SLC35A5: variants seen among roughly 807,000 people sequenced by gnomAD.
SLC35A5 encodes the protein UDP-sugar transporter protein SLC35A5.
Under a neutral mutation model 36.3 loss-of-function variants are expected in SLC35A5, and 28 were observed. The ratio of observed to expected loss-of-function variants is 0.77; its 90% confidence interval spans 0.57 to 1.06. The LOEUF (loss-of-function observed/expected upper bound fraction) is 1.06. Among genes scored for constraint, SLC35A5 ranks in the 50% least tolerant of loss-of-function variants. The pLI is 0.00. For synonymous variants in SLC35A5, 180 were observed against 173.7 expected (o/e 1.04, Z -0.29); for missense variants, 521 against 499.3 (o/e 1.04, Z -0.41).
In SLC35A5 at chr3:112,585,460, G is replaced by A. The variant is rs1382441896; in HGVS notation, c.*2724G>A. The A allele has an allele frequency of 6.6e-6, 1 of 152,122 alleles. No homozygotes were observed. Among genetic ancestry groups the A allele is most frequent in the Non-Finnish European group, 1.5e-5 (1 of 68,032 alleles). 9.4% of individuals were successfully genotyped at this position (152,122 alleles called of 1,614,324 possible). ...GTATTGGGTACAATGTTCACTGTTTGAGTGATGGGTCCACTAGAAGCCCAA... is the reference window on the plus strand; with the variant it reads ...GTATTGGGTACAATGTTCACTGTTTAAGTGATGGGTCCACTAGAAGCCCAA... On this transcript the variant is annotated 3_prime_UTR_variant, in exon 7 of 7. Transcript: ENST00000492406.
chr3:112,569,272 A>G lies in SLC35A5; in HGVS notation c.229+3A>G. 1 of 1,612,168 alleles carries G rather than the reference A, an allele frequency of 6.2e-7. No individual in the cohort carries two copies. The highest frequency in any genetic ancestry group is 1.1e-5 in the South Asian group (1 of 90,828). ...GTCATTCTGTGTTATAAAGAAAGGTAAGTCTTGAAATGGTACTATATACTT... is the reference window on the plus strand; with the variant it reads ...GTCATTCTGTGTTATAAAGAAAGGTGAGTCTTGAAATGGTACTATATACTT... On this transcript the variant is annotated splice_donor_region_variant and intron_variant, in intron 3 of 6. Coordinates refer to ENST00000492406, the MANE Select transcript of SLC35A5 (RefSeq NM_017945.5).
At chr3:112,562,785 C>T (rs1011370949) in intron 1 of SLC35A5, among the ~76,000 whole-genome samples, 26 of 152,162 alleles carry the variant, frequency 1.7e-4, no homozygotes, top group Admixed American at 1.6e-3. Context: ...AAAGCGAGGC[C>T]GGGCGCGGTG....
chr3:112,581,362 TC>T, intron 6 of SLC35A5, 36 bp downstream of exon 6: 1 of 1,536,792 alleles, frequency 6.5e-7, no homozygotes, highest in Non-Finnish European at 8.7e-7. Flanking sequence ...TGCTTGTTCT[TC>T]CCAAATTTAA....
At chr3:112,572,189 G>A (rs2668215) in intron 4 of SLC35A5, among the ~76,000 whole-genome samples, 25,750 of 150,582 alleles carry the variant, frequency 0.17, 5,288 homozygotes, top group African/African-American at 0.49. Flanking sequence ...TGATCCACCC[G>A]CCTCGGCCTC....
chr3:112,573,273 A>T (rs975151720), intron 4 of SLC35A5, among the ~76,000 whole-genome samples: 1 of 152,220 alleles, frequency 6.6e-6, no homozygotes, highest in Non-Finnish European at 1.5e-5. Context: ...TAATGTATAC[A>T]TGTTCAGATT....
chr3:112,582,555 C>T, intron 6 of SLC35A5, 116 bp from the exon 7 acceptor site: 1 of 629,000 alleles, frequency 1.6e-6, no homozygotes, highest in Non-Finnish European at 2.7e-6. Flanking sequence ...TTAATTTGAC[C>T]AGATTATATC....
In SLC35A5 at chr3:112,578,449, G is replaced by A. The variant is rs72942012; in HGVS notation, c.429-2097G>A. ...AGTAGCCTTCTAGCCACAGGCATTC[G>A]GCTCTGAGCATCCATTACTATGTTT... On this transcript the variant is annotated intron_variant, in intron 5 of 6. Coordinates refer to ENST00000492406, the MANE Select transcript of SLC35A5 (RefSeq NM_017945.5). Among the ~76,000 whole-genome samples the A allele has an allele frequency of 9.2e-3, 1,399 of 152,266 alleles. 15 individuals carry two copies. Among genetic ancestry groups the A allele is most frequent in the African/African-American group, 0.03 (1,263 of 41,552 alleles).
chr3:112,571,794 A>G (rs1303422006), intron 4 of SLC35A5, among the ~76,000 whole-genome samples: 3 of 152,162 alleles, frequency 2.0e-5, no homozygotes, highest in African/African-American at 2.4e-5. Flanking sequence ...AACCTCCGCC[A>G]TGATTCAGTT....
intron 2 of SLC35A5, among the ~76,000 whole-genome samples, chr3:112,567,730 A>G (rs1206108318): frequency 6.6e-6 from 1 of 152,232 alleles, no homozygotes; most frequent in Non-Finnish European, 1.5e-5. Context: ...AGATGTGTGG[A>G]GGGAAATCAC....
At chr3:112,572,036 G>A (rs1431414533) in intron 4 of SLC35A5, among the ~76,000 whole-genome samples, 12 of 140,080 alleles carry the variant, frequency 8.6e-5, no homozygotes, top group Admixed American at 3.2e-4. Flanking sequence ...TCCGCTTCCC[G>A]GGTTCACGCC....
At chr3:112,576,453 T>C (rs1370040471) in intron 5 of SLC35A5, among the ~76,000 whole-genome samples, 2 of 150,214 alleles carry the variant, frequency 1.3e-5, no homozygotes, top group African/African-American at 2.5e-5. Flanking sequence ...GCATACAGTT[T>C]AGTAGTGTTA....
At chr3:112,566,802 T>C (rs1246716699) in intron 2 of SLC35A5, among the ~76,000 whole-genome samples, 1 of 152,226 alleles carries the variant, frequency 6.6e-6, no homozygotes, top group Non-Finnish European at 1.5e-5. Flanking sequence ...AGAACGTTGA[T>C]ACTGTTTCAG....
At chr3:112,574,020 T>C in intron 5 of SLC35A5, 64 bp downstream of exon 5, 1 of 1,396,128 alleles carries the variant, frequency 7.2e-7, no homozygotes, top group Non-Finnish European at 1.0e-6. Context: ...TTTCAAATGA[T>C]ATACCCAGAA....
chr3:112,568,328 A>G (rs549692299), intron 2 of SLC35A5, among the ~76,000 whole-genome samples: 37 of 152,360 alleles, frequency 2.4e-4, no homozygotes, highest in African/African-American at 8.9e-4. Flanking sequence ...GACTGAGAGA[A>G]GCAAGCAAAT....
rs985996526 is a variant in SLC35A5 at position 112,581,939 on chromosome 3, T to C, written c.1209+613T>C. On this transcript the variant is annotated intron_variant, in intron 6 of 6. Transcript: ENST00000492406. ...AAAATATTTTCTAGAAAAATGCTTA[T>C]GCAATTATTCCGAATATCTCCCAGT... Among the ~76,000 whole-genome samples, 10 of 152,206 alleles carry C rather than the reference T, an allele frequency of 6.6e-5. 1 individual carries two copies. Among genetic ancestry groups the C allele is most frequent in the Admixed American group, 5.9e-4 (9 of 15,270 alleles).
At chr3:112,567,851 A>G (rs1013730119) in intron 2 of SLC35A5, among the ~76,000 whole-genome samples, 2 of 152,222 alleles carry the variant, frequency 1.3e-5, no homozygotes, top group Non-Finnish European at 2.9e-5. Flanking sequence ...GTTATAATCC[A>G]AAGTCCCCCC....
chr3:112,567,686 A>G lies in SLC35A5; in HGVS notation c.131-1485A>G, dbSNP rs143005674. Among the ~76,000 whole-genome samples, 18 of 152,356 alleles carry G rather than the reference A, an allele frequency of 1.2e-4. No homozygotes were observed. The East Asian group carries it at 3.5e-3, about 29-fold the overall frequency. On this transcript the variant is annotated intron_variant, in intron 2 of 6. Transcript: ENST00000492406. ...TCTGGGGCTGAAGGGAAACCAGTGA[A>G]TGCCATGTAGAAAGGTATGTTAGTG...
Position 112,573,870 on chromosome 3 carries a change from A to G in SLC35A5, c.361-19A>G, listed in dbSNP as rs765436136. The stretch of plus-strand genomic sequence containing the variant: ...AGTACTTCATTTGGATTGTAACTCT[A>G]TCTTCTCTTTCTTTCTAGGCCATGG... On this transcript the variant is annotated intron_variant, in intron 4 of 6. Transcript: ENST00000492406. 8.1e-6 allele frequency: 13 copies of G among 1,599,214 alleles called. No homozygotes were observed. Among genetic ancestry groups the G allele is most frequent in the Middle Eastern group, 1.7e-4 (1 of 6,052 alleles).
chr3:112,569,045 C>T, intron 2 of SLC35A5, 126 bp from the exon 3 acceptor site: 1 of 703,714 alleles, frequency 1.4e-6, no homozygotes, highest in Non-Finnish European at 2.3e-6. Flanking sequence ...GCAAAGGCAA[C>T]TGGAAGAAAC....
Sources: allele counts gnomAD v4.1 joint callset (sites outside exome capture counted in the v4.1 genomes callset), GRCh38; gene constraint gnomAD v4.1.1; transcripts MANE v1.5; gene names NCBI Gene and HGNC (gene_info 2026-07-23, HGNC 2026-07-21).